Variants in RBFOX1 observed in about 807,000 individuals in gnomAD.
The protein encoded by RBFOX1 is RNA binding fox-1 homolog 1.
RBFOX1 carries 8 observed loss-of-function variants against 57.7 expected under a neutral mutation model. The observed-to-expected ratio is 0.14, with a 90% CI of 0.08 to 0.25. The LOEUF (loss-of-function observed/expected upper bound fraction) is 0.25. Ranked by LOEUF, RBFOX1 falls within the 10% of genes least tolerant of loss-of-function variation. The pLI is 1.00. For missense variants in RBFOX1, 611 were observed against 548.5 expected, an observed-to-expected ratio of 1.11 and a Z score of -1.14; for synonymous variants, 326 against 222.4, an observed-to-expected ratio of 1.47 and a Z score of -4.15.
intron 2 of RBFOX1, among the ~76,000 whole-genome samples, chr16:5,590,874 G>A (rs2046984536): frequency 6.6e-6 from 1 of 152,160 alleles, no homozygotes; most frequent in Non-Finnish European, 1.5e-5. Context: ...GGTACTGGTG[G>A]CTTGCATGCT....
chr16:5,794,091 A>G (rs534298761), intron 3 of RBFOX1, among the ~76,000 whole-genome samples: 21 of 152,284 alleles, frequency 1.4e-4, no homozygotes, highest in Middle Eastern at 3.4e-3. Flanking sequence ...TTGACATTTA[A>G]TTCCAGTACA....
chr16:7,323,861 C>G (rs999757951), intron 4 of RBFOX1, among the ~76,000 whole-genome samples: 1 of 152,138 alleles, frequency 6.6e-6, no homozygotes, highest in East Asian at 1.9e-4. Context: ...ATACATAATT[C>G]TCAAAAAGCA....
intron 3 of RBFOX1, among the ~76,000 whole-genome samples, chr16:6,999,225 A>AT (rs200620958): frequency 0.16 from 19,100 of 122,158 alleles, 1,870 homozygotes; most frequent in Middle Eastern, 0.25. Flanking sequence ...TATTTTTTTT[A>AT]TTTATTTTTT....
At chr16:5,594,432 C>T (rs2047112702) in intron 2 of RBFOX1, among the ~76,000 whole-genome samples, 1 of 120,576 alleles carries the variant, frequency 8.3e-6, no homozygotes, top group African/African-American at 2.9e-5. Context: ...TCAGGAGGTC[C>T]TGACGACATC....
intron 3 of RBFOX1, among the ~76,000 whole-genome samples, chr16:6,861,783 C>T (rs1174277800): frequency 1.4e-5 from 2 of 144,714 alleles, no homozygotes; most frequent in African/African-American, 2.6e-5. Context: ...AGTGTTTCCA[C>T]GTTCATACAC....
chr16:6,833,976 A>G (rs2092903583), intron 3 of RBFOX1, among the ~76,000 whole-genome samples: 2 of 152,310 alleles, frequency 1.3e-5, no homozygotes, highest in African/African-American at 4.8e-5. Context: ...TTGGAGGCAC[A>G]GTAGGGTTTG....
At chr16:6,420,278 G>A (rs887117839) in intron 2 of RBFOX1, among the ~76,000 whole-genome samples, 2 of 152,096 alleles carry the variant, frequency 1.3e-5, no homozygotes, top group Non-Finnish European at 2.9e-5. Flanking sequence ...ATGCACAGTA[G>A]CAAAGACTGG....
chr16:7,653,514 TC>T (rs1199263582), intron 11 of RBFOX1, among the ~76,000 whole-genome samples: 1 of 152,104 alleles, frequency 6.6e-6, no homozygotes, highest in East Asian at 1.9e-4. Context: ...TCAAATAAAC[TC>T]ATTAATTAAA....
intron 4 of RBFOX1, among the ~76,000 whole-genome samples, chr16:7,431,753 G>A (rs1038281868): frequency 2.6e-5 from 4 of 152,286 alleles, no homozygotes; most frequent in Admixed American, 1.3e-4. Context: ...AAGACATGGA[G>A]AGGTTAAGTG....
At chr16:5,596,044 T>G (rs184385109) in intron 2 of RBFOX1, among the ~76,000 whole-genome samples, 2 of 152,012 alleles carry the variant, frequency 1.3e-5, no homozygotes, top group South Asian at 2.1e-4. Flanking sequence ...CAATGAGAGA[T>G]AGACAGCTAA....
rs13332618 is a variant in RBFOX1 at position 5,778,739 on chromosome 16, C to G, written c.319-88564C>G. Among the ~76,000 whole-genome samples, 3 of 151,748 alleles carry G rather than the reference C, an allele frequency of 2.0e-5. 1 individual carries two copies. The highest frequency in any genetic ancestry group is 7.3e-5 in the African/African-American group (3 of 41,260). On this transcript the variant is annotated intron_variant, in intron 3 of 19. Coordinates refer to the RBFOX1 transcript ENST00000641259. ...CACTATGAGGGTGAATAGGAGGTGACCAGAGAAGAGTTTTCCCCTAGTTTG... is the reference window on the plus strand; with the variant it reads ...CACTATGAGGGTGAATAGGAGGTGAGCAGAGAAGAGTTTTCCCCTAGTTTG...
chr16:7,499,810 G>T (rs974062569), intron 4 of RBFOX1, among the ~76,000 whole-genome samples: 1 of 151,888 alleles, frequency 6.6e-6, no homozygotes, highest in African/African-American at 2.4e-5. Context: ...CTACTTCGCA[G>T]TTGTTGAGAC....
intron 2 of RBFOX1, among the ~76,000 whole-genome samples, chr16:6,356,446 A>G (rs1303773983): frequency 3.9e-5 from 6 of 152,184 alleles, no homozygotes; most frequent in Non-Finnish European, 7.3e-5. Flanking sequence ...TTAAAAAACT[A>G]TTAATATATT....
intron 4 of RBFOX1, among the ~76,000 whole-genome samples, chr16:5,983,790 C>G (rs541180522): frequency 1.3e-5 from 2 of 151,904 alleles, no homozygotes; most frequent in Non-Finnish European, 2.9e-5. Flanking sequence ...TTAACAGGGC[C>G]AGGCTGTCGG....
At chr16:6,779,937 T>C (rs1347755913) in intron 3 of RBFOX1, among the ~76,000 whole-genome samples, 11 of 11,530 alleles carry the variant, frequency 9.5e-4, no homozygotes, top group East Asian at 7.9e-3. Flanking sequence ...TTATATATAT[T>C]TATATATATT....
At chr16:6,043,965 A>T (rs1249937272) in intron 1 of RBFOX1, among the ~76,000 whole-genome samples, 1 of 152,134 alleles carries the variant, frequency 6.6e-6, no homozygotes, top group Non-Finnish European at 1.5e-5. Flanking sequence ...TGGCCCAGGG[A>T]AAATAATTTT....
chr16:7,644,460 AG>A (rs2063377429), intron 11 of RBFOX1, among the ~76,000 whole-genome samples: 1 of 152,168 alleles, frequency 6.6e-6, no homozygotes, highest in Admixed American at 6.5e-5. Flanking sequence ...TAGACAAGGG[AG>A]GTCCAGGATC....
intron 4 of RBFOX1, among the ~76,000 whole-genome samples, chr16:7,276,472 C>G (rs1170122514): frequency 6.6e-6 from 1 of 152,162 alleles, no homozygotes; most frequent in African/African-American, 2.4e-5. Context: ...CTTCCTTCCT[C>G]TATATTCTCT....
At chr16:6,693,519 A>G (rs1008697721) in intron 3 of RBFOX1, among the ~76,000 whole-genome samples, 1 of 150,496 alleles carries the variant, frequency 6.6e-6, no homozygotes, top group Non-Finnish European at 1.5e-5. Context: ...CTCATCCACT[A>G]ACATCACCAC....
Sources: gnomAD v4.1 joint callset for allele counts (sites outside exome capture counted in the v4.1 genomes callset) on GRCh38, gnomAD v4.1.1 for gene constraint, MANE v1.5 for transcripts, NCBI Gene and HGNC (gene_info 2026-07-23, HGNC 2026-07-21) for gene names.